Variants in PLEKHA6 observed in about 807,000 individuals in gnomAD.
PLEKHA6 encodes the protein pleckstrin homology domain-containing family A member 6.
In PLEKHA6, 60 loss-of-function variants were observed where a neutral mutation model predicts 116.7. That is an observed-to-expected ratio of 0.51 (90% CI 0.42 to 0.64). The LOEUF (loss-of-function observed/expected upper bound fraction) is 0.64, where lower values mean the gene tolerates loss of function less well. PLEKHA6 is among the 30% of genes least tolerant of loss of function. PLEKHA6 has a pLI of 0.00. For missense variants in PLEKHA6, 1,338 were observed against 1,422.7 expected, an observed-to-expected ratio of 0.94 and a Z score of 0.96; for synonymous variants, 489 against 556.1, an observed-to-expected ratio of 0.88 and a Z score of 1.70.
intron 1 of PLEKHA6, among the ~76,000 whole-genome samples, chr1:204,276,261 C>T (rs953939178): frequency 1.3e-5 from 2 of 152,168 alleles, no homozygotes; most frequent in African/African-American, 2.4e-5. Context: ...CCAGCCAGGA[C>T]CCAAAAACCA....
At chr1:204,325,571 C>G (rs1176902339) in intron 1 of PLEKHA6, among the ~76,000 whole-genome samples, 1 of 152,196 alleles carries the variant, frequency 6.6e-6, no homozygotes, top group East Asian at 1.9e-4. Flanking sequence ...CAGCTGCCTG[C>G]TTGGTGAGCC....
At chr1:204,226,695 C>T (rs1660413584) in intron 21 of PLEKHA6, among the ~76,000 whole-genome samples, 1 of 152,132 alleles carries the variant, frequency 6.6e-6, no homozygotes, top group South Asian at 2.1e-4. Flanking sequence ...CCAAGGCTCT[C>T]CCTGGACACC....
chr1:204,246,194 C>T (rs1410285681), intron 13 of PLEKHA6, among the ~76,000 whole-genome samples: 8 of 152,152 alleles, frequency 5.3e-5, no homozygotes, highest in Non-Finnish European at 1.2e-4. Context: ...AAAGGTAAGA[C>T]CTCCCATTTA....
chr1:204,287,922 A>G (rs1248351657), intron 1 of PLEKHA6, among the ~76,000 whole-genome samples: 1 of 152,226 alleles, frequency 6.6e-6, no homozygotes, highest in East Asian at 1.9e-4. Context: ...TTGGACTAAG[A>G]TAATTTTAAA....
At chr1:204,368,986 G>T (rs1027664714) in intron 2 of PLEKHA6, 3 of 152,206 alleles carry the variant, frequency 2.0e-5, no homozygotes, top group Non-Finnish European at 2.9e-5. Flanking sequence ...CCTGGGTTCT[G>T]CAGAGTGGCA....
Position 204,241,477 on chromosome 1 carries a change from G to A in PLEKHA6, c.2307C>T (p.Gly769=), listed in dbSNP as rs1445574129. 15 of 1,594,648 alleles carry A rather than the reference G, an allele frequency of 9.4e-6. No individual in the cohort carries two copies. Among genetic ancestry groups the A allele is most frequent in the South Asian group, 2.3e-5 (2 of 88,068 alleles). The change falls in exon 17 of 23, where the codon GGC becomes GGT. Residue 769 remains glycine (G), a synonymous_variant. Transcript: ENST00000272203. ...AEKQAALNKV[G]VVPPRTKSPT... ...GCGATTTTGTCCGAGGGGGCACAAC[G>A]CCAACTGCAGAAAGACAGAGTAGCC...
At chr1:204,350,792 TC>T (rs931622026) in intron 1 of PLEKHA6, among the ~76,000 whole-genome samples, 2 of 152,028 alleles carry the variant, frequency 1.3e-5, no homozygotes, top group African/African-American at 4.8e-5. Context: ...CCCTGTCAAA[TC>T]CCCTAAACGT....
At chr1:204,246,243 T>A (rs1663658331) in intron 13 of PLEKHA6, among the ~76,000 whole-genome samples, 1 of 152,148 alleles carries the variant, frequency 6.6e-6, no homozygotes, top group Non-Finnish European at 1.5e-5. Context: ...GCTAAGCAAT[T>A]TGCATATACA....
At chr1:204,249,118 C>A in intron 11 of PLEKHA6, 66 bp downstream of exon 11, 10 of 1,483,050 alleles carry the variant, frequency 6.7e-6, no homozygotes, top group Non-Finnish European at 8.5e-6. Flanking sequence ...GAGACAGCAG[C>A]CCACAACCTT....
chr1:204,347,077 G>A (rs761404085), intron 1 of PLEKHA6: 110 of 1,411,698 alleles, frequency 7.8e-5, no homozygotes, highest in Middle Eastern at 7.1e-4. Flanking sequence ...GACTCTTCCA[G>A]TTTTGCCGTG....
At chr1:204,318,961 C>G (rs4483474) in intron 1 of PLEKHA6, among the ~76,000 whole-genome samples, 45,628 of 152,040 alleles carry the variant, frequency 0.3, 7,093 homozygotes, top group African/African-American at 0.38. Context: ...AATGGGAGAA[C>G]AGAAAATCAG....
At chr1:204,236,123 G>A (rs553979200) in intron 17 of PLEKHA6, among the ~76,000 whole-genome samples, 6 of 152,336 alleles carry the variant, frequency 3.9e-5, no homozygotes, top group Admixed American at 2.6e-4. Flanking sequence ...TATTAAGAGT[G>A]TGGGATAATG....
chr1:204,246,845 T>C (rs548795758), intron 13 of PLEKHA6, among the ~76,000 whole-genome samples: 4 of 152,328 alleles, frequency 2.6e-5, no homozygotes, highest in Admixed American at 2.0e-4. Flanking sequence ...CACGTCTGTT[T>C]TTAAATCCTG....
At chr1:204,329,252 G>T (rs578020099) in intron 1 of PLEKHA6, among the ~76,000 whole-genome samples, 1 of 152,306 alleles carries the variant, frequency 6.6e-6, no homozygotes, top group Non-Finnish European at 1.5e-5. Flanking sequence ...CTTAAAACAT[G>T]ACTGGAAAGC....
chr1:204,266,088 C>T (rs1369661271), intron 5 of PLEKHA6, among the ~76,000 whole-genome samples: 1 of 152,198 alleles, frequency 6.6e-6, no homozygotes, highest in Non-Finnish European at 1.5e-5. Flanking sequence ...GGGTTATAAA[C>T]TCCTTAAGCC....
At chr1:204,351,615 G>A (rs1673283305) in intron 1 of PLEKHA6, among the ~76,000 whole-genome samples, 1 of 149,388 alleles carries the variant, frequency 6.7e-6, no homozygotes, top group Non-Finnish European at 1.5e-5. Context: ...CATGTTGTAG[G>A]TGACTTGTGT....
intron 1 of PLEKHA6, chr1:204,299,775 A>G (rs1670637717): frequency 3.5e-6 from 1 of 288,672 alleles, no homozygotes; most frequent in Admixed American, 6.5e-5. Context: ...CTTTAAGAAT[A>G]TTTTTTGCCC....
chr1:204,338,545 T>G (rs188620070), intron 1 of PLEKHA6, among the ~76,000 whole-genome samples: 1 of 151,950 alleles, frequency 6.6e-6, no homozygotes, highest in Non-Finnish European at 1.5e-5. Flanking sequence ...GTCTTTAGGG[T>G]GGGGTGTTGA....
Position 204,245,622 on chromosome 1 carries a change from C to T in PLEKHA6, c.2025G>A (p.Lys675=), listed in dbSNP as rs375791901. Residue 675 remains lysine, a synonymous_variant, in exon 14 of 23, where the codon AAG becomes AAA. Coordinates refer to ENST00000272203, the MANE Select transcript of PLEKHA6 (RefSeq NM_014935.5). The part of the protein sequence containing the change: ...NNPSRGTDTA[K]HRGGLGPSAT... ...GGCACAGGAGGCACCCACCTCTGTG[C>T]TTGGCGGTGTCCGTGCCCCGGGAGG... The T allele has an allele frequency of 2.9e-5, 46 of 1,605,906 alleles. No homozygotes were observed. Among genetic ancestry groups the T allele is most frequent in the Admixed American group, 2.8e-4 (17 of 59,960 alleles).
Sources: allele counts gnomAD v4.1 joint callset (sites outside exome capture counted in the v4.1 genomes callset), GRCh38; gene constraint gnomAD v4.1.1; transcripts MANE v1.5; gene names NCBI Gene and HGNC (gene_info 2026-07-23, HGNC 2026-07-21).